The following ICA1L variants were observed in gnomAD, a reference collection of about 807,000 sequenced individuals.
ICA1L encodes the protein islet cell autoantigen 1 like, also known as islet cell autoantigen 1-like protein.
A neutral mutation model predicts 61.3 loss-of-function variants in ICA1L; 50 were observed. The ratio of observed to expected loss-of-function variants is 0.82; its 90% CI spans 0.65 to 1.03. The LOEUF is 1.03. Ranked by LOEUF, ICA1L falls within the 50% of genes least tolerant of loss-of-function variation. ICA1L has a pLI of 0.00. For missense variants in ICA1L, 508 were observed against 556.7 expected (o/e 0.91, Z 0.88); for synonymous variants, 161 against 191.3 (o/e 0.84, Z 1.31).
Position 202,817,434 on chromosome 2 carries a change from G to A in ICA1L, c.668C>T (p.Ser223Leu), listed in dbSNP as rs757162538. The A allele has an allele frequency of 1.7e-5, 28 of 1,601,846 alleles. No individual in the cohort carries two copies. The highest frequency in any genetic ancestry group is 4.5e-5 in the South Asian group (4 of 89,322). Residue 223 changes from serine to leucine, a missense_variant, in exon 6 of 13, where the codon TCG (serine) becomes TTG (leucine). By Grantham distance (145) the Ser-to-Leu change is moderately radical. Transcript: ENST00000358299. The stretch of plus-strand genomic sequence containing the variant: ...GGTGGGTACCTGGTAGGTAGTGAGC[G>A]AATGAGATAGCATATTGCAGCGACT... Reference protein sequence around the residue: ...GASRCNMLSHSLTTYQRTLLG... With the variant: ...GASRCNMLSHLLTTYQRTLLG...
At chr2:202,817,030 G>T (rs976264969) in intron 6 of ICA1L, among the ~76,000 whole-genome samples, 14 of 152,126 alleles carry the variant, frequency 9.2e-5, no homozygotes, top group Non-Finnish European at 1.8e-4. Flanking sequence ...TCCATAAAAT[G>T]ACAGAAAAGG....
In ICA1L at chr2:202,776,008, C is replaced by T. The variant is rs1405385986; in HGVS notation, c.*3525G>A. ...CTTGCAATCTTTATTAAAAGAGGCT[C>T]AGAAAAATAGATAGAGCACATGTAA... is the stretch of plus-strand genomic sequence containing the variant. On this transcript the variant is annotated 3_prime_UTR_variant, in exon 13 of 13. Coordinates refer to ENST00000358299, the MANE Select transcript of ICA1L (RefSeq NM_001288622.3). 1.3e-5 allele frequency: 2 copies of T among 151,972 alleles called. No homozygotes were observed. Among genetic ancestry groups the T allele is most frequent in the Non-Finnish European group, 2.9e-5 (2 of 68,020 alleles). The allele number at this position is 151,972 out of a possible 1,614,324, so 9.4% of individuals were successfully genotyped here.
chr2:202,860,492 G>A (rs922616677), intron 1 of ICA1L, among the ~76,000 whole-genome samples: 2 of 152,120 alleles, frequency 1.3e-5, no homozygotes, highest in African/African-American at 2.4e-5. Context: ...AGTGGCTCAC[G>A]CCTGTAATCC....
At chr2:202,871,231 A>G (rs1687701150) in intron 1 of ICA1L, 1 of 152,250 alleles carries the variant, frequency 6.6e-6, no homozygotes. Flanking sequence ...CTCTATTAGG[A>G]GCGACCTCCA....
At position 202,774,550 on chromosome 2, in the gene ICA1L, A is replaced by C. The variant is rs1046769644; in HGVS notation, c.*4983T>G. On this transcript the variant is annotated 3_prime_UTR_variant, in exon 13 of 13. Coordinates refer to ENST00000358299, the MANE Select transcript of ICA1L (RefSeq NM_001288622.3). ...ATCACAGGAGAGACACAGGAAAAAA[A>C]GTTGTAATATACTCACAGGTCCTAG... 8 of 397,222 alleles carry C rather than the reference A, an allele frequency of 2.0e-5. No homozygotes were observed. The highest frequency in any genetic ancestry group is 1.1e-4 in the African/African-American group (5 of 46,148). The allele number at this position is 397,222 out of a possible 1,614,324, so 24.6% of individuals were successfully genotyped here.
At chr2:202,816,063 T>C in intron 6 of ICA1L, 54 bp from the exon 7 acceptor site, 1 of 1,123,930 alleles carries the variant, frequency 8.9e-7, no homozygotes, top group South Asian at 1.5e-5. Flanking sequence ...CATGATTTTT[T>C]AAGTGCTATA....
chr2:202,864,621 A>C (rs915691071), intron 1 of ICA1L, among the ~76,000 whole-genome samples: 3 of 136,950 alleles, frequency 2.2e-5, no homozygotes, highest in Non-Finnish European at 5.1e-5. Context: ...GTGTGTGTAT[A>C]TATATATGTG....
At chr2:202,858,568 C>T (rs1035730196) in intron 1 of ICA1L, among the ~76,000 whole-genome samples, 12 of 152,120 alleles carry the variant, frequency 7.9e-5, no homozygotes, top group African/African-American at 2.2e-4. Flanking sequence ...AGCAAACCAC[C>T]GTGGCACATG....
chr2:202,867,947 T>C (rs142786312), intron 1 of ICA1L, among the ~76,000 whole-genome samples: 2 of 152,276 alleles, frequency 1.3e-5, no homozygotes, highest in East Asian at 3.9e-4. Flanking sequence ...AGAATATCTA[T>C]TAACAGGTGA....
chr2:202,788,805 G>A (rs1015935126), intron 11 of ICA1L, 25 bp downstream of exon 11: 4 of 1,612,866 alleles, frequency 2.5e-6, no homozygotes, highest in East Asian at 4.5e-5. Context: ...AAGCACATAT[G>A]TCCAAATGTT....
At chr2:202,829,051 A>C (rs1385038308) in intron 1 of ICA1L, 35 bp from the exon 2 acceptor site, 3 of 1,504,312 alleles carry the variant, frequency 2.0e-6, no homozygotes, top group Non-Finnish European at 2.7e-6. Context: ...ACTTCTTTTA[A>C]AAATTCTCAA....
In ICA1L at chr2:202,831,289, T is replaced by C. The variant is rs1315583804; in HGVS notation, c.-7-2273A>G. 2.0e-5 allele frequency among the ~76,000 whole-genome samples: 3 copies of C among 152,194 alleles called. No individual in the cohort carries two copies. In the East Asian group the frequency reaches 5.8e-4, roughly 29 times the overall value. ...GAATAGAGAGGGAATTTAATTTGGG[T>C]ACCTAGGGAGCATGGATTTGATATA... On this transcript the variant is annotated intron_variant, in intron 1 of 12. Coordinates refer to ENST00000358299, the MANE Select transcript of ICA1L (RefSeq NM_001288622.3).
At chr2:202,798,705 C>CT (rs34388202) in intron 9 of ICA1L, among the ~76,000 whole-genome samples, 126,042 of 152,142 alleles carry the variant, frequency 0.83, 52,420 homozygotes, top group Non-Finnish European at 0.86. Context: ...TGCTATCAAA[C>CT]TTGATACATT....
intron 1 of ICA1L, among the ~76,000 whole-genome samples, chr2:202,866,288 G>A (rs965141720): frequency 5.9e-5 from 9 of 152,130 alleles, no homozygotes; most frequent in Admixed American, 2.0e-4. Context: ...AACAGAGTTC[G>A]GCCCCCTTCC....
chr2:202,852,651 G>T (rs1694659826), intron 1 of ICA1L, among the ~76,000 whole-genome samples: 1 of 122,686 alleles, frequency 8.2e-6, no homozygotes, highest in African/African-American at 3.3e-5. Flanking sequence ...CAGCCTGGGT[G>T]ACAGAGCGAG....
At chr2:202,821,832 T>C (rs943500046) in intron 3 of ICA1L, 1 of 156,224 alleles carries the variant, frequency 6.4e-6, no homozygotes, top group Non-Finnish European at 1.4e-5. Flanking sequence ...TTTAGGATCA[T>C]TGCCTCTTAC....
At chr2:202,815,166 T>C (rs546676835) in intron 7 of ICA1L, among the ~76,000 whole-genome samples, 1 of 152,340 alleles carries the variant, frequency 6.6e-6, no homozygotes, top group South Asian at 2.1e-4. Flanking sequence ...ATACACAGTA[T>C]GCCATACAGC....
chr2:202,810,542 G>A (rs1301691012), intron 9 of ICA1L, among the ~76,000 whole-genome samples: 1 of 152,156 alleles, frequency 6.6e-6, no homozygotes, highest in Non-Finnish European at 1.5e-5. Context: ...ACCCTGTGAT[G>A]ATTGCATTAA....
chr2:202,870,322 T>G (rs1215158032), intron 1 of ICA1L, among the ~76,000 whole-genome samples: 1 of 152,226 alleles, frequency 6.6e-6, no homozygotes, highest in Non-Finnish European at 1.5e-5. Context: ...TTTTCCTCTT[T>G]GGACTGGCTG....
Sources: gnomAD v4.1 joint callset for allele counts (sites outside exome capture counted in the v4.1 genomes callset) on GRCh38, gnomAD v4.1.1 for gene constraint, MANE v1.5 for transcripts, NCBI Gene and HGNC (gene_info 2026-07-23, HGNC 2026-07-21) for gene names.